ABLIM2: variants seen among roughly 807,000 people sequenced by gnomAD.
The protein encoded by ABLIM2 is actin-binding LIM protein 2.
A neutral mutation model predicts 97.7 loss-of-function variants in ABLIM2; 53 were observed. That is an observed-to-expected ratio of 0.54 (90% CI 0.44 to 0.68). The LOEUF (loss-of-function observed/expected upper bound fraction) is 0.68. Ranked by LOEUF, ABLIM2 falls within the 30% of genes least tolerant of loss-of-function variation. The pLI is 0.00. For missense variants in ABLIM2, 835 were observed against 867.2 expected (o/e 0.96, Z 0.47); for synonymous variants, 361 against 345.8 (o/e 1.04, Z -0.49).
rs1272228291 is a variant in ABLIM2 at position 7,996,501 on chromosome 4, T to C, written c.1619-3574A>G. ...CGAAGGCCATTTTATCCTCCCCACT[T>C]TGACTATGATAGTCTCAGGGACGTC... On this transcript the variant is annotated intron_variant, in intron 16 of 20. Coordinates refer to ENST00000447017, the MANE Select transcript of ABLIM2 (RefSeq NM_001130083.2). This position sits in a 1 kb window ranked among gnomAD's most constrained non-coding sequence, Gnocchi z 4.5. Among the ~76,000 whole-genome samples the C allele has an allele frequency of 6.6e-6, 1 of 152,200 alleles. No individual in the cohort carries two copies. Among genetic ancestry groups the C allele is most frequent in the Non-Finnish European group, 1.5e-5 (1 of 68,034 alleles).
At chr4:8,142,410 G>A (rs1851127273) in intron 1 of ABLIM2, among the ~76,000 whole-genome samples, 1 of 152,196 alleles carries the variant, frequency 6.6e-6, no homozygotes, top group South Asian at 2.1e-4. Flanking sequence ...GCATTACGAT[G>A]ACTCTCCACC....
At chr4:8,084,234 C>T (rs781140938) in intron 4 of ABLIM2, among the ~76,000 whole-genome samples, 5 of 152,214 alleles carry the variant, frequency 3.3e-5, no homozygotes, top group Non-Finnish European at 2.9e-5. Flanking sequence ...CAGCGCACTG[C>T]GGTCAGGACT....
In ABLIM2 at chr4:8,150,009, G is replaced by T. The variant is rs1712098936; in HGVS notation, c.10+8671C>A. 6.6e-6 allele frequency among the ~76,000 whole-genome samples: 1 copy of T among 151,958 alleles called. No homozygotes were observed. Among genetic ancestry groups the T allele is most frequent in the African/African-American group, 2.4e-5 (1 of 41,360 alleles). ...CTCACACCTCCCTCGTGCTTCCTGGGGTCACCTCCTAGGTAAACCACCTGC... is the reference window on the plus strand; with the variant it reads ...CTCACACCTCCCTCGTGCTTCCTGGTGTCACCTCCTAGGTAAACCACCTGC... On this transcript the variant is annotated intron_variant, in intron 1 of 20. Coordinates refer to ENST00000447017, the MANE Select transcript of ABLIM2 (RefSeq NM_001130083.2). This position sits in a 1 kb window ranked among gnomAD's most constrained non-coding sequence, Gnocchi z 6.3.
At chr4:8,029,321 TC>T (rs1216810583) in intron 11 of ABLIM2, among the ~76,000 whole-genome samples, 1 of 152,152 alleles carries the variant, frequency 6.6e-6, no homozygotes, top group African/African-American at 2.4e-5. Context: ...TGCTGTCTTA[TC>T]TTCCTGACGT....
intron 1 of ABLIM2, among the ~76,000 whole-genome samples, chr4:8,131,945 G>A (rs1372709778): frequency 1.4e-5 from 2 of 139,314 alleles, no homozygotes; most frequent in Admixed American, 7.0e-5. Flanking sequence ...ACATCAGCCT[G>A]CATCCCTGAG....
chr4:8,104,205 G>A (rs1157917311), intron 2 of ABLIM2, among the ~76,000 whole-genome samples: 1 of 152,192 alleles, frequency 6.6e-6, no homozygotes, highest in Non-Finnish European at 1.5e-5. Flanking sequence ...TGGAAATGTG[G>A]GAGGATGGAG....
At position 8,060,960 on chromosome 4, in the gene ABLIM2, T is replaced by C; in HGVS notation, c.763+7A>G. ...TAGGGGACCAAACAACACATTTTAA[T>C]TTGTACCTTGAAGATACATCTCTTC... On this transcript the variant is annotated splice_region_variant and intron_variant, in intron 7 of 20. Transcript: ENST00000447017. The C allele has an allele frequency of 6.4e-7, 1 of 1,573,818 alleles. No homozygotes were observed. The highest frequency in any genetic ancestry group is 8.6e-7 in the Non-Finnish European group (1 of 1,158,836).
intron 3 of ABLIM2, among the ~76,000 whole-genome samples, chr4:8,094,141 T>C (rs1447809543): frequency 2.0e-5 from 3 of 152,248 alleles, no homozygotes; most frequent in Admixed American, 1.3e-4. Context: ...CTTCGGCCAT[T>C]GTATTTTTCA....
rs554673321 is a variant in ABLIM2, at chr4:8,058,534, T to C, written c.763+2433A>G. Among the ~76,000 whole-genome samples the C allele has an allele frequency of 1.9e-4, 29 of 152,206 alleles. No individual in the cohort carries two copies. The highest frequency in any genetic ancestry group is 3.8e-4 in the Non-Finnish European group (26 of 68,040). On this transcript the variant is annotated intron_variant, in intron 7 of 20. Coordinates refer to ENST00000447017, the MANE Select transcript of ABLIM2 (RefSeq NM_001130083.2). This position sits in a 1 kb window ranked among gnomAD's most constrained non-coding sequence, Gnocchi z 4.2. The stretch of plus-strand genomic sequence containing the variant: ...TGACAGAGAATCTTCAAAAGGGAGC[T>C]GTGGCTAAAGAGATGAAGTCACAAT...
chr4:8,006,931 T>C, intron 16 of ABLIM2: 1 of 728,572 alleles, frequency 1.4e-6, no homozygotes. Flanking sequence ...AATGCTGGGA[T>C]CCTGGTATTT....
intron 5 of ABLIM2, among the ~76,000 whole-genome samples, chr4:8,078,200 C>A (rs1056894401): frequency 6.6e-5 from 10 of 152,206 alleles, no homozygotes; most frequent in Admixed American, 2.6e-4. Context: ...TTTACTGTCC[C>A]CCCTGCATCC....
rs1305056117 is a variant in ABLIM2 at position 8,058,821 on chromosome 4, T to C, written c.763+2146A>G. ...CAAAATCAGTCTGGCAGGAATCCCC[T>C]GGCCTAGAAGCCTAATCTCCCTCCA... On this transcript the variant is annotated intron_variant, in intron 7 of 20. Transcript: ENST00000447017. This position sits in a 1 kb window ranked among gnomAD's most constrained non-coding sequence, Gnocchi z 4.2. Among the ~76,000 whole-genome samples, 3 of 152,192 alleles carry C rather than the reference T, an allele frequency of 2.0e-5. No individual in the cohort carries two copies. Among genetic ancestry groups the C allele is most frequent in the Admixed American group, 1.3e-4 (2 of 15,280 alleles).
At chr4:8,141,195 A>AC (rs1378301610) in intron 1 of ABLIM2, among the ~76,000 whole-genome samples, 1 of 148,160 alleles carries the variant, frequency 6.7e-6, no homozygotes, top group Admixed American at 6.7e-5. Flanking sequence ...CCCTCTCCCC[A>AC]CCCCCCGGAG....
Position 8,021,282 on chromosome 4 carries a change from G to C in ABLIM2, c.1268-979C>G, listed in dbSNP as rs918861990. On this transcript the variant is annotated intron_variant, in intron 12 of 20. Coordinates refer to ENST00000447017, the MANE Select transcript of ABLIM2 (RefSeq NM_001130083.2). The surrounding 1 kb of genome is among the most constrained non-coding windows in gnomAD (Gnocchi z 5.5). Reference sequence around the variant, plus strand: ...GAACAAGGTTGGATTATCAAGTCACGCATCCAGAGGGCCGAGGTGACCTGG... The same window carrying C: ...GAACAAGGTTGGATTATCAAGTCACCCATCCAGAGGGCCGAGGTGACCTGG... Among the ~76,000 whole-genome samples, 2 of 152,146 alleles carry C rather than the reference G, an allele frequency of 1.3e-5. No individual in the cohort carries two copies. Among genetic ancestry groups the C allele is most frequent in the African/African-American group, 4.8e-5 (2 of 41,436 alleles).
At chr4:7,971,066 C>G (rs2149377278) in intron 20 of ABLIM2, among the ~76,000 whole-genome samples, 1 of 152,262 alleles carries the variant, frequency 6.6e-6, no homozygotes, top group South Asian at 2.1e-4. Context: ...ACTCTGGGCT[C>G]CAGCTGTGGA....
At position 7,995,575 on chromosome 4, in the gene ABLIM2, A is replaced by G. The variant is rs1322455024; in HGVS notation, c.1619-2648T>C. Among the ~76,000 whole-genome samples, 3 of 152,362 alleles carry G rather than the reference A, an allele frequency of 2.0e-5. No homozygotes were observed. In the East Asian group the frequency reaches 5.8e-4, roughly 29 times the overall value. On this transcript the variant is annotated intron_variant, in intron 16 of 20. Transcript: ENST00000447017. ...AGAGAAGAAATTCCATGAAGGTCAC[A>G]TGGGGACACAGAGAAGCCTGTGGGA...
rs1190932656 is a variant in ABLIM2, at chr4:8,075,031, GCC to G, written c.675+2595_675+2596del. 6.6e-6 allele frequency among the ~76,000 whole-genome samples: 1 copy of G among 152,184 alleles called. No individual in the cohort carries two copies. Among genetic ancestry groups the G allele is most frequent in the Non-Finnish European group, 1.5e-5 (1 of 68,028 alleles). The stretch of plus-strand genomic sequence containing the variant: ...GAACTCCTGACCTCGTGATCCGCCT[GCC>G]TCAGCCTCCCAAAGTGCTGGGATTA... On this transcript the variant is annotated intron_variant, in intron 6 of 20. Coordinates refer to ENST00000447017, the MANE Select transcript of ABLIM2 (RefSeq NM_001130083.2). The surrounding 1 kb of genome is among the most constrained non-coding windows in gnomAD (Gnocchi z 4.4).
chr4:8,142,336 A>T (rs1440694313), intron 1 of ABLIM2, among the ~76,000 whole-genome samples: 1 of 151,874 alleles, frequency 6.6e-6, no homozygotes, highest in Non-Finnish European at 1.5e-5. Flanking sequence ...GCCTCACCTC[A>T]CTGCCCCAAC....
chr4:7,991,429 C>A (rs1748631188), intron 17 of ABLIM2, among the ~76,000 whole-genome samples: 1 of 152,200 alleles, frequency 6.6e-6, no homozygotes, highest in Admixed American at 6.5e-5. Context: ...GCTCACCAGC[C>A]CCAGGGCTGT....
Sources: gnomAD v4.1 joint callset for allele counts (sites outside exome capture counted in the v4.1 genomes callset) on GRCh38, gnomAD v4.1.1 for gene constraint, Gnocchi (gnomAD v3.1) non-coding constraint, MANE v1.5 for transcripts, NCBI Gene and HGNC (gene_info 2026-07-23, HGNC 2026-07-21) for gene names.